SLIT3: variants seen among roughly 807,000 people sequenced by gnomAD.
SLIT3 encodes slit guidance ligand 3.
SLIT3 carries 68 observed loss-of-function variants against 184.0 expected under a neutral mutation model. That is an observed-to-expected ratio of 0.37 (90% CI 0.30 to 0.45). The LOEUF (loss-of-function observed/expected upper bound fraction) is 0.45. Among genes scored for constraint, SLIT3 ranks in the 20% least tolerant of loss-of-function variants. The pLI is 1.00. For missense variants in SLIT3, 1,707 were observed against 2,026.0 expected (o/e 0.84, Z 3.02); for synonymous variants, 831 against 828.6 (o/e 1.00, Z -0.05).
At position 168,907,979 on chromosome 5, in the gene SLIT3, T is replaced by TAGAGAGAGAGAGAGAG. The variant is rs70979109; in HGVS notation, c.414-24659_414-24644dup. On this transcript the variant is annotated intron_variant, in intron 4 of 35. Coordinates refer to ENST00000519560, the MANE Select transcript of SLIT3 (RefSeq NM_003062.4). ...ATATATATATATATATATATATATA[T>TAGAGAGAGAGAGAGAG]AGAGAGAGAGAGAGAGAGAGAGAGA... Among the ~76,000 whole-genome samples, 27 of 50,078 alleles carry TAGAGAGAGAGAGAGAG rather than the reference T, an allele frequency of 5.4e-4. 1 individual carries two copies. The highest frequency in any genetic ancestry group is 1.5e-3 in the African/African-American group (12 of 7,996). The allele number at this position is 50,078 out of a possible 152,430, so 32.9% of individuals were successfully genotyped here.
chr5:168,848,126 A>G (rs1758545881), intron 5 of SLIT3, among the ~76,000 whole-genome samples: 2 of 152,230 alleles, frequency 1.3e-5, no homozygotes, highest in African/African-American at 4.8e-5. Context: ...CCCAGTGCCT[A>G]GCGCAGTGCC....
At chr5:168,981,250 G>A (rs1177545977) in intron 4 of SLIT3, among the ~76,000 whole-genome samples, 2 of 152,170 alleles carry the variant, frequency 1.3e-5, no homozygotes. Context: ...TCATTAATAT[G>A]CATTTGGCTC....
chr5:168,758,724 G>C (rs1379959062), intron 16 of SLIT3, among the ~76,000 whole-genome samples: 1 of 152,222 alleles, frequency 6.6e-6, no homozygotes, highest in Admixed American at 6.5e-5. Context: ...AGTAGCACCA[G>C]TGAGATCCAG....
chr5:168,823,412 G>C, intron 6 of SLIT3, 81 bp from the exon 7 acceptor site: 1 of 1,015,146 alleles, frequency 9.9e-7, no homozygotes, highest in Non-Finnish European at 1.6e-6. Flanking sequence ...TCGGGGGAGG[G>C]ATGGTTGTGA....
intron 5 of SLIT3, among the ~76,000 whole-genome samples, chr5:168,870,372 T>A (rs1268428299): frequency 6.6e-6 from 1 of 152,192 alleles, no homozygotes; most frequent in East Asian, 1.9e-4. Context: ...CCCAAGGATA[T>A]CTGGAAACTT....
At chr5:169,144,871 G>A (rs531329806) in intron 4 of SLIT3, among the ~76,000 whole-genome samples, 24 of 152,174 alleles carry the variant, frequency 1.6e-4, no homozygotes, top group East Asian at 1.6e-3. Context: ...GTAGCAAGAC[G>A]GAAAATGTTG....
intron 9 of SLIT3, among the ~76,000 whole-genome samples, chr5:168,799,050 A>C (rs1756673825): frequency 6.6e-6 from 1 of 152,168 alleles, no homozygotes; most frequent in Non-Finnish European, 1.5e-5. Flanking sequence ...TCATTTTCTT[A>C]GTCCTTTCCA....
At chr5:168,991,961 T>G (rs1755346809) in intron 4 of SLIT3, among the ~76,000 whole-genome samples, 1 of 152,244 alleles carries the variant, frequency 6.6e-6, no homozygotes, top group Non-Finnish European at 1.5e-5. Context: ...CAGGCACTGA[T>G]TTTTTAATTT....
rs149137457 is a variant in SLIT3 at position 169,272,456 on chromosome 5, T to A, written c.198-20997A>T. 2.3e-4 allele frequency among the ~76,000 whole-genome samples: 35 copies of A among 152,324 alleles called. 1 individual carries two copies. In the East Asian group the frequency reaches 6.4e-3, roughly 28 times the overall value. Reference sequence around the variant, plus strand: ...TAATTGGATCTAACTGCAGACTTCATAATTATGAAATGTTTTCCAACCTAG... The same window carrying A: ...TAATTGGATCTAACTGCAGACTTCAAAATTATGAAATGTTTTCCAACCTAG... On this transcript the variant is annotated intron_variant, in intron 1 of 35. Transcript: ENST00000519560.
intron 1 of SLIT3, among the ~76,000 whole-genome samples, chr5:169,279,002 G>A (rs1280852495): frequency 6.6e-6 from 1 of 152,198 alleles, no homozygotes; most frequent in African/African-American, 2.4e-5. Flanking sequence ...AATCCAGGAG[G>A]AATGAGCCAT....
chr5:168,912,071 C>T (rs1230480926), intron 4 of SLIT3, among the ~76,000 whole-genome samples: 1 of 152,206 alleles, frequency 6.6e-6, no homozygotes, highest in Non-Finnish European at 1.5e-5. Flanking sequence ...TCCTCTTCTT[C>T]CTCCTGCTCA....
intron 4 of SLIT3, among the ~76,000 whole-genome samples, chr5:169,184,092 C>T (rs1763256638): frequency 6.6e-6 from 1 of 152,192 alleles, no homozygotes; most frequent in Non-Finnish European, 1.5e-5. Flanking sequence ...GAAAGGTCTA[C>T]TTGCTAGCAT....
intron 4 of SLIT3, among the ~76,000 whole-genome samples, chr5:169,112,439 G>T (rs970865513): frequency 6.6e-6 from 1 of 152,216 alleles, no homozygotes; most frequent in Non-Finnish European, 1.5e-5. Flanking sequence ...AGAAAGCACA[G>T]TGCCAGGCAC....
In SLIT3 at chr5:168,952,976, A is replaced by G. The variant is rs186756591; in HGVS notation, c.414-69640T>C. ...CAGGGGTGAAGGGGGTTCTGGCTAA[A>G]GCCACCTAACAAGGTTTTTGCTGAG... On this transcript the variant is annotated intron_variant, in intron 4 of 35. Transcript: ENST00000519560. 4.6e-5 allele frequency among the ~76,000 whole-genome samples: 7 copies of G among 152,310 alleles called. No homozygotes were observed. In the East Asian group the frequency reaches 1.4e-3, roughly 29 times the overall value.
intron 4 of SLIT3, among the ~76,000 whole-genome samples, chr5:169,091,263 C>G (rs1372358741): frequency 1.3e-5 from 2 of 152,158 alleles, no homozygotes; most frequent in Non-Finnish European, 2.9e-5. Context: ...ATCTTCCTAC[C>G]CTATAAGCCA....
intron 1 of SLIT3, 23 bp from the exon 2 acceptor site, chr5:169,251,482 G>A (rs764109205): frequency 2.6e-6 from 4 of 1,565,448 alleles, no homozygotes; most frequent in Non-Finnish European, 3.5e-6. Flanking sequence ...GCAAATTCAG[G>A]TCAGATTTTT....
intron 9 of SLIT3, among the ~76,000 whole-genome samples, chr5:168,804,966 G>A (rs1253160383): frequency 3.3e-5 from 5 of 152,178 alleles, no homozygotes; most frequent in Non-Finnish European, 5.9e-5. Flanking sequence ...CTTTGCACAT[G>A]CGATTCCCTC....
chr5:168,717,823 G>T (rs1172065342), intron 23 of SLIT3, among the ~76,000 whole-genome samples: 1 of 151,944 alleles, frequency 6.6e-6, no homozygotes, highest in Non-Finnish European at 1.5e-5. Flanking sequence ...ACTACGTCCG[G>T]CTAATTTTTT....
chr5:169,025,336 G>A (rs1390700507), intron 4 of SLIT3, among the ~76,000 whole-genome samples: 2 of 152,164 alleles, frequency 1.3e-5, no homozygotes, highest in African/African-American at 4.8e-5. Flanking sequence ...GTACCAGAAG[G>A]TACTTACTGA....
Sources: allele counts gnomAD v4.1 joint callset (sites outside exome capture counted in the v4.1 genomes callset), GRCh38; gene constraint gnomAD v4.1.1; transcripts MANE v1.5; gene names NCBI Gene and HGNC (gene_info 2026-07-23, HGNC 2026-07-21).